The following STXBP4 variants were observed in gnomAD, a reference collection of about 807,000 sequenced individuals.
STXBP4 encodes the protein syntaxin binding protein 4.
In STXBP4, 55 loss-of-function variants were observed where a neutral mutation model predicts 76.1. The ratio of observed to expected loss-of-function variants is 0.72; its 90% confidence interval spans 0.58 to 0.91. The LOEUF is 0.91. Ranked by LOEUF, STXBP4 falls within the 40% of genes least tolerant of loss-of-function variation. STXBP4 has a pLI of 0.00. For missense variants in STXBP4, 618 were observed against 636.9 expected (o/e 0.97, Z 0.32); for synonymous variants, 201 against 220.2 (o/e 0.91, Z 0.77).
intron 1 of STXBP4, among the ~76,000 whole-genome samples, chr17:54,974,856 C>T (rs2077449296): frequency 6.6e-6 from 1 of 152,192 alleles, no homozygotes; most frequent in African/African-American, 2.4e-5. Context: ...CATAGTTATA[C>T]CCGCTTTTAA....
At chr17:55,210,049 C>T in the STXBP4 span, among the ~76,000 whole-genome samples, 2 of 152,112 alleles carry the variant, frequency 1.3e-5, no homozygotes, top group Non-Finnish European at 2.9e-5. Flanking sequence ...TTCATGTCTG[C>T]GTGTGCATAT....
Position 55,168,635 on chromosome 17 carries a change from T to G in STXBP4, c.*8724T>G, listed in dbSNP as rs79197323. ...TAAAAATCATGTGTGTAAAAGAGAATGAAATATTAATTATGATATTTACAA... is the reference window on the plus strand; with the variant it reads ...TAAAAATCATGTGTGTAAAAGAGAAGGAAATATTAATTATGATATTTACAA... On this transcript the variant is annotated 3_prime_UTR_variant, in exon 18 of 18. Transcript: ENST00000376352. 2.6e-3 allele frequency: 399 copies of G among 152,322 alleles called. 2 individuals carry two copies. The highest frequency in any genetic ancestry group is 9.0e-3 in the African/African-American group (373 of 41,564). The allele number at this position is 152,322 out of a possible 1,614,324, so 9.4% of individuals were successfully genotyped here.
chr17:55,201,299 A>G, the STXBP4 span, among the ~76,000 whole-genome samples: 1 of 152,108 alleles, frequency 6.6e-6, no homozygotes, highest in African/African-American at 2.4e-5. Context: ...TTTAAATAAT[A>G]AATATCCATT....
intron 16 of STXBP4, among the ~76,000 whole-genome samples, chr17:55,101,699 A>G (rs1289613243): frequency 2.0e-5 from 3 of 152,250 alleles, no homozygotes; most frequent in Non-Finnish European, 4.4e-5. Context: ...ATTTATGTAC[A>G]AGGAAGCATG....
intron 16 of STXBP4, among the ~76,000 whole-genome samples, chr17:55,084,621 C>T (rs1305359446): frequency 1.3e-5 from 2 of 151,292 alleles, no homozygotes; most frequent in African/African-American, 2.4e-5. Flanking sequence ...TTAGGTCTAA[C>T]GTTTAAGTCT....
intron 13 of STXBP4, among the ~76,000 whole-genome samples, chr17:55,076,676 C>T (rs1472488819): frequency 6.6e-6 from 1 of 152,106 alleles, no homozygotes; most frequent in African/African-American, 2.4e-5. Flanking sequence ...CTTCCCGATT[C>T]GAAGAGCAAT....
intron 16 of STXBP4, among the ~76,000 whole-genome samples, chr17:55,115,305 A>C (rs980085306): frequency 3.3e-5 from 5 of 151,842 alleles, no homozygotes; most frequent in African/African-American, 9.7e-5. Context: ...ATAGTTCTAA[A>C]ACCACCTAGC....
At chr17:55,023,961 C>T (rs1024831396) in intron 8 of STXBP4, among the ~76,000 whole-genome samples, 1 of 148,352 alleles carries the variant, frequency 6.7e-6, no homozygotes, top group African/African-American at 2.5e-5. Context: ...GAGAAATGCT[C>T]CAACCCAAGG....
intron 8 of STXBP4, among the ~76,000 whole-genome samples, chr17:55,009,139 A>G (rs1446932267): frequency 6.6e-6 from 1 of 152,068 alleles, no homozygotes; most frequent in Non-Finnish European, 1.5e-5. Flanking sequence ...GCTCCATAAA[A>G]TTTTCCAATT....
chr17:55,198,922 A>G, the STXBP4 span, among the ~76,000 whole-genome samples: 1 of 151,992 alleles, frequency 6.6e-6, no homozygotes, highest in Non-Finnish European at 1.5e-5. Context: ...TTCCCATCCA[A>G]CTCCACCAAT....
chr17:55,188,745 A>G, the STXBP4 span, among the ~76,000 whole-genome samples: 1 of 152,234 alleles, frequency 6.6e-6, no homozygotes, highest in Non-Finnish European at 1.5e-5. Context: ...CCATAATGAC[A>G]GCAACCATCT....
chr17:54,984,566 A>G (rs991460336), intron 1 of STXBP4, among the ~76,000 whole-genome samples: 2 of 151,704 alleles, frequency 1.3e-5, no homozygotes, highest in Admixed American at 6.6e-5. Context: ...GATGGTCTCG[A>G]TCTCCTGACC....
intron 12 of STXBP4, among the ~76,000 whole-genome samples, chr17:55,070,846 A>G (rs2079110866): frequency 6.6e-6 from 1 of 152,028 alleles, no homozygotes; most frequent in South Asian, 2.1e-4. Flanking sequence ...TTTTTGTAAC[A>G]TCCTCTTTTC....
rs1272657486 is a variant in STXBP4, at chr17:55,171,220, A to G, written c.*11309A>G. 2 of 152,230 alleles carry G rather than the reference A, an allele frequency of 1.3e-5. No individual in the cohort carries two copies. The highest frequency in any genetic ancestry group is 2.9e-5 in the Non-Finnish European group (2 of 68,036). 9.4% of individuals were successfully genotyped at this position (152,230 alleles called of 1,614,324 possible). On this transcript the variant is annotated 3_prime_UTR_variant, in exon 18 of 18. Coordinates refer to ENST00000376352, the MANE Select transcript of STXBP4 (RefSeq NM_178509.6). ...AGTGCCTGGTGCAGAACTCTACCAC[A>G]AAACATCAGGTGTGCCTCTGAATAG...
chr17:55,129,209 T>C (rs981521354), intron 16 of STXBP4, among the ~76,000 whole-genome samples: 4 of 152,154 alleles, frequency 2.6e-5, no homozygotes, highest in African/African-American at 4.8e-5. Flanking sequence ...ATTATAGGCG[T>C]GAGCCACCGC....
At chr17:54,970,907 A>T (rs1345127268) in intron 1 of STXBP4, among the ~76,000 whole-genome samples, 1 of 152,228 alleles carries the variant, frequency 6.6e-6, no homozygotes, top group Admixed American at 6.5e-5. Flanking sequence ...AAAAGAAAAT[A>T]TGCATTGTAT....
chr17:55,010,057 A>G (rs2078080109), intron 8 of STXBP4, among the ~76,000 whole-genome samples: 2 of 151,942 alleles, frequency 1.3e-5, no homozygotes, highest in African/African-American at 4.8e-5. Context: ...AAATAAAATA[A>G]AATAGTATAT....
chr17:55,070,736 C>T (rs557689617), intron 12 of STXBP4, among the ~76,000 whole-genome samples: 2 of 152,164 alleles, frequency 1.3e-5, no homozygotes, highest in African/African-American at 2.4e-5. Context: ...ATCCATTACT[C>T]CCCTATAGCA....
intron 12 of STXBP4, among the ~76,000 whole-genome samples, chr17:55,049,376 A>G (rs2078831037): frequency 6.6e-6 from 1 of 152,018 alleles, no homozygotes; most frequent in Non-Finnish European, 1.5e-5. Context: ...GATGAAAAAA[A>G]TAGCATGAAC....
Sources: allele counts gnomAD v4.1 joint callset (sites outside exome capture counted in the v4.1 genomes callset), GRCh38; gene constraint gnomAD v4.1.1; transcripts MANE v1.5; gene names NCBI Gene and HGNC (gene_info 2026-07-23, HGNC 2026-07-21).